SENP7: variants seen among roughly 807,000 people sequenced by gnomAD.
SENP7 encodes the protein SUMO specific peptidase 7.
A neutral mutation model predicts 141.2 loss-of-function variants in SENP7; 64 were observed. The ratio of observed to expected loss-of-function variants is 0.45; its 90% CI spans 0.37 to 0.56. The LOEUF (loss-of-function observed/expected upper bound fraction) is 0.56, where lower values mean the gene tolerates loss of function less well. SENP7 is among the 20% of genes least tolerant of loss of function. The pLI, the probability that SENP7 is intolerant of heterozygous loss-of-function variation, is 0.00. For synonymous variants in SENP7, 382 were observed against 426.4 expected (o/e 0.90, Z 1.28); for missense variants, 1,025 against 1,212.2 (o/e 0.85, Z 2.29).
intron 6 of SENP7, among the ~76,000 whole-genome samples, chr3:101,396,308 GGCAGAAGC>G (rs1050541903): frequency 2.0e-5 from 3 of 152,178 alleles, no homozygotes; most frequent in African/African-American, 7.2e-5. Flanking sequence ...ATGGCATAAA[GGCAGAAGC>G]GTACAGATTA....
At chr3:101,499,997 T>C (rs1304304243) in intron 2 of SENP7, among the ~76,000 whole-genome samples, 1 of 152,122 alleles carries the variant, frequency 6.6e-6, no homozygotes, top group African/African-American at 2.4e-5. Context: ...AACCACACCA[T>C]GCAAATCTTA....
At chr3:101,438,249 C>A (rs1394194205) in intron 4 of SENP7, among the ~76,000 whole-genome samples, 1 of 152,124 alleles carries the variant, frequency 6.6e-6, no homozygotes, top group African/African-American at 2.4e-5. Flanking sequence ...AAATTATTCA[C>A]CTTTCAAAAG....
intron 12 of SENP7, among the ~76,000 whole-genome samples, chr3:101,351,344 T>A (rs982919905): frequency 1.4e-4 from 22 of 151,952 alleles, no homozygotes; most frequent in Non-Finnish European, 2.9e-4. Context: ...ACTATTGTTA[T>A]CCATTTTTAT....
chr3:101,383,710 G>A (rs1297986635), intron 6 of SENP7, among the ~76,000 whole-genome samples: 5 of 152,360 alleles, frequency 3.3e-5, no homozygotes, highest in Admixed American at 6.5e-5. Context: ...GACTTTGGGG[G>A]CCAATGAGCA....
intron 6 of SENP7, among the ~76,000 whole-genome samples, chr3:101,388,405 A>T (rs2107530957): frequency 6.6e-6 from 1 of 152,362 alleles, no homozygotes; most frequent in South Asian, 2.1e-4. Context: ...CAAAAAAATT[A>T]TACACAGACT....
intron 19 of SENP7, among the ~76,000 whole-genome samples, chr3:101,330,875 T>G (rs1264328297): frequency 6.6e-6 from 1 of 152,230 alleles, no homozygotes; most frequent in Non-Finnish European, 1.5e-5. Flanking sequence ...TCAATCAGCT[T>G]ACTGCTTAGG....
At chr3:101,399,719 T>C (rs536561495) in intron 5 of SENP7, among the ~76,000 whole-genome samples, 3 of 152,334 alleles carry the variant, frequency 2.0e-5, no homozygotes, top group South Asian at 4.1e-4. Flanking sequence ...CTCGATCTCC[T>C]GGCCCAAGTA....
At chr3:101,396,500 C>A (rs2060972632) in intron 6 of SENP7, among the ~76,000 whole-genome samples, 2 of 151,102 alleles carry the variant, frequency 1.3e-5, no homozygotes, top group Admixed American at 6.6e-5. Context: ...ACAACTTTTT[C>A]TCCAACAGAA....
At chr3:101,499,016 C>T (rs567522128) in intron 2 of SENP7, among the ~76,000 whole-genome samples, 38 of 152,178 alleles carry the variant, frequency 2.5e-4, no homozygotes, top group Non-Finnish European at 4.9e-4. Flanking sequence ...GGTACTGTAT[C>T]AATATAAATT....
chr3:101,488,516 G>A (rs1310689505), intron 3 of SENP7, among the ~76,000 whole-genome samples: 1 of 152,172 alleles, frequency 6.6e-6, no homozygotes, highest in Non-Finnish European at 1.5e-5. Context: ...TGAGGATATG[G>A]TCCACAAAAA....
intron 1 of SENP7, among the ~76,000 whole-genome samples, chr3:101,510,843 CAAAAA>C (rs377579284): frequency 8.9e-5 from 7 of 78,380 alleles, no homozygotes; most frequent in East Asian, 4.0e-4. Context: ...GACTCCATCT[CAAAAA>C]AAAAAAAAAA....
At chr3:101,459,871 T>C (rs2063493734) in intron 3 of SENP7, among the ~76,000 whole-genome samples, 1 of 152,208 alleles carries the variant, frequency 6.6e-6, no homozygotes, top group Admixed American at 6.5e-5. Context: ...CCAAAATCAG[T>C]TGTATTTCTA....
rs2065195029 is a variant in SENP7 at position 101,497,310 on chromosome 3, G to A, written c.91-3342C>T. Among the ~76,000 whole-genome samples the A allele has an allele frequency of 2.0e-5, 3 of 152,218 alleles. No individual in the cohort carries two copies. The South Asian group carries it at 6.2e-4, about 32-fold the overall frequency. ...GTATGTGTGAACATATATTTTTCTA[G>A]TCTTGTCTGTTGAGAAAGCCTAAAA... On this transcript the variant is annotated intron_variant, in intron 2 of 23. Coordinates refer to ENST00000394095, the MANE Select transcript of SENP7 (RefSeq NM_020654.5).
At chr3:101,327,580 A>G (rs2058937614) in intron 23 of SENP7, 86 bp downstream of exon 23, 1 of 971,470 alleles carries the variant, frequency 1.0e-6, no homozygotes, top group Non-Finnish European at 1.5e-6. Context: ...CTTTATTAGC[A>G]GCATGAGAAC....
intron 6 of SENP7, among the ~76,000 whole-genome samples, chr3:101,375,309 G>A (rs569829940): frequency 1.3e-5 from 2 of 152,074 alleles, no homozygotes; most frequent in African/African-American, 4.8e-5. Flanking sequence ...TTGGGAGGCT[G>A]AGGCGGGCGG....
At chr3:101,436,971 G>A (rs952156021) in intron 4 of SENP7, among the ~76,000 whole-genome samples, 2 of 152,128 alleles carry the variant, frequency 1.3e-5, no homozygotes, top group Non-Finnish European at 2.9e-5. Flanking sequence ...AGTGATCTAA[G>A]TGCCCATTAA....
intron 3 of SENP7, among the ~76,000 whole-genome samples, chr3:101,484,872 C>G (rs2064660684): frequency 6.6e-6 from 1 of 152,040 alleles, no homozygotes; most frequent in African/African-American, 2.4e-5. Flanking sequence ...GGGTGAGAAG[C>G]CCATTCACAC....
chr3:101,329,023 T>A (rs1559674252), intron 20 of SENP7, among the ~76,000 whole-genome samples: 1 of 152,178 alleles, frequency 6.6e-6, no homozygotes, highest in Non-Finnish European at 1.5e-5. Context: ...CTCCAATTTA[T>A]GATGTCAGTA....
At chr3:101,377,917 T>C (rs1452385082) in intron 6 of SENP7, among the ~76,000 whole-genome samples, 1 of 152,220 alleles carries the variant, frequency 6.6e-6, no homozygotes, top group East Asian at 1.9e-4. Flanking sequence ...CATTAACGCC[T>C]GAGGTTGCAA....
Sources: gnomAD v4.1 joint callset for allele counts (sites outside exome capture counted in the v4.1 genomes callset) on GRCh38, gnomAD v4.1.1 for gene constraint, MANE v1.5 for transcripts, NCBI Gene and HGNC (gene_info 2026-07-23, HGNC 2026-07-21) for gene names.